The following DAB1 variants were observed in gnomAD, a reference collection of about 807,000 sequenced individuals.
DAB1 encodes the protein DAB adaptor protein 1.
DAB1 carries 15 observed loss-of-function variants against 64.6 expected under a neutral mutation model. The observed-to-expected ratio is 0.23, with a 90% confidence interval of 0.16 to 0.36. The LOEUF (loss-of-function observed/expected upper bound fraction) is 0.36. Among genes scored for constraint, DAB1 ranks in the 10% least tolerant of loss-of-function variants. The probability of loss-of-function intolerance (pLI) is 1.00; values close to 1 mark genes in which losing one functional copy is unlikely to be tolerated. For synonymous variants in DAB1, 235 were observed against 251.9 expected (o/e 0.93, Z 0.64); for missense variants, 596 against 706.7 (o/e 0.84, Z 1.78).
intron 3 of DAB1, among the ~76,000 whole-genome samples, chr1:57,141,557 A>G (rs1432950758): frequency 6.6e-6 from 1 of 152,076 alleles, no homozygotes; most frequent in African/African-American, 2.4e-5. Context: ...CTCATTTGCT[A>G]CCTTAAATTT....
chr1:58,532,261 A>C (rs771282802), intron 1 of DAB1, among the ~76,000 whole-genome samples: 2 of 152,166 alleles, frequency 1.3e-5, no homozygotes, highest in African/African-American at 2.4e-5. Flanking sequence ...ATTAATAACT[A>C]TGTTCTATTT....
chr1:57,033,656 T>C, intron 9 of DAB1: 1 of 1,352,844 alleles, frequency 7.4e-7, no homozygotes, highest in South Asian at 1.2e-5. Flanking sequence ...GATGACAGTA[T>C]CTATGGTTCA....
At chr1:57,641,788 C>G (rs566251685) in intron 7 of DAB1, among the ~76,000 whole-genome samples, 4 of 152,142 alleles carry the variant, frequency 2.6e-5, no homozygotes, top group African/African-American at 9.6e-5. Context: ...TTTTCCTTTG[C>G]AGTCTCATTA....
intron 1 of DAB1, among the ~76,000 whole-genome samples, chr1:57,357,360 G>C (rs61769670): frequency 0.42 from 64,030 of 151,674 alleles, 14,024 homozygotes; most frequent in African/African-American, 0.47. Flanking sequence ...TTCTTCACCT[G>C]TAAAACTCAC....
At chr1:57,590,310 T>TTTTATTTATTTATTTATTTA (rs58148255) in intron 7 of DAB1, among the ~76,000 whole-genome samples, 4 of 151,070 alleles carry the variant, frequency 2.6e-5, no homozygotes, top group African/African-American at 9.8e-5. Flanking sequence ...TTTTCTTTTC[T>TTTTATTTATTTATTTATTTA]TTTATTTATT....
intron 5 of DAB1, among the ~76,000 whole-genome samples, chr1:58,038,371 C>G (rs1018171094): frequency 1.3e-5 from 2 of 151,786 alleles, no homozygotes; most frequent in African/African-American, 4.9e-5. Context: ...ACAGCCTCCA[C>G]ACAACGTACA....
chr1:57,377,950 G>C (rs1681045325), intron 1 of DAB1, among the ~76,000 whole-genome samples: 1 of 152,182 alleles, frequency 6.6e-6, no homozygotes. Context: ...GTCTGGTGGA[G>C]GAAGATGGCT....
chr1:57,372,424 C>T (rs540758914), intron 1 of DAB1, among the ~76,000 whole-genome samples: 29 of 152,300 alleles, frequency 1.9e-4, no homozygotes, highest in African/African-American at 7.0e-4. Context: ...GTAACTCAGG[C>T]ATCAGACAAT....
chr1:57,570,605 T>C (rs1645183039), intron 7 of DAB1, among the ~76,000 whole-genome samples: 3 of 152,178 alleles, frequency 2.0e-5, no homozygotes. Flanking sequence ...AGTCGGGTAA[T>C]GTGATGCCTC....
chr1:58,221,644 G>A (rs1173032243), intron 4 of DAB1, among the ~76,000 whole-genome samples: 1 of 152,216 alleles, frequency 6.6e-6, no homozygotes, highest in Non-Finnish European at 1.5e-5. Flanking sequence ...TCTGTGAAAT[G>A]GGGGCAATGC....
chr1:57,489,719 T>G (rs537077672), intron 7 of DAB1, among the ~76,000 whole-genome samples: 1 of 152,320 alleles, frequency 6.6e-6, no homozygotes, highest in African/African-American at 2.4e-5. Flanking sequence ...TCTCTTTATA[T>G]AGGTAAACTG....
chr1:57,330,709 C>G (rs145405589), intron 1 of DAB1, among the ~76,000 whole-genome samples: 44 of 152,224 alleles, frequency 2.9e-4, no homozygotes, highest in African/African-American at 8.2e-4. Flanking sequence ...CCCGGTGCCC[C>G]ACGCAGTGCC....
chr1:57,780,833 A>C (rs1368576617), intron 6 of DAB1, among the ~76,000 whole-genome samples: 10 of 149,152 alleles, frequency 6.7e-5, no homozygotes, highest in Non-Finnish European at 1.0e-4. Flanking sequence ...GGCTCACTAC[A>C]ACCTCTGCCT....
chr1:58,217,637 G>A (rs192967657), intron 4 of DAB1, among the ~76,000 whole-genome samples: 11 of 152,104 alleles, frequency 7.2e-5, no homozygotes, highest in Admixed American at 5.9e-4. Context: ...CTTTATAACC[G>A]CACTGGGATA....
intron 6 of DAB1, among the ~76,000 whole-genome samples, chr1:57,796,426 C>T (rs1286579244): frequency 1.3e-5 from 2 of 151,980 alleles, no homozygotes; most frequent in African/African-American, 4.8e-5. Context: ...ACTCGGGAGG[C>T]TGAGGCAGGA....
intron 3 of DAB1, among the ~76,000 whole-genome samples, chr1:58,368,686 C>T (rs1270260759): frequency 6.6e-6 from 1 of 152,134 alleles, no homozygotes; most frequent in Non-Finnish European, 1.5e-5. Flanking sequence ...CATACGGTGT[C>T]AGCATCCTCA....
At chr1:58,383,408 T>G (rs1011721612) in intron 3 of DAB1, among the ~76,000 whole-genome samples, 1 of 152,162 alleles carries the variant, frequency 6.6e-6, no homozygotes. Flanking sequence ...AAACACAAAG[T>G]TGATTTTTAA....
chr1:58,461,941 G>A (rs1645245865), intron 3 of DAB1, among the ~76,000 whole-genome samples: 1 of 151,986 alleles, frequency 6.6e-6, no homozygotes, highest in Admixed American at 6.5e-5. Context: ...AAGGAATTGT[G>A]GGGCATCCAC....
At chr1:57,902,497 T>C (rs1163698112) in intron 5 of DAB1, among the ~76,000 whole-genome samples, 3 of 152,202 alleles carry the variant, frequency 2.0e-5, no homozygotes, top group Non-Finnish European at 4.4e-5. Context: ...ATTGTCTCAA[T>C]AACGTCCTTT....
Sources: allele counts gnomAD v4.1 joint callset (sites outside exome capture counted in the v4.1 genomes callset), GRCh38; gene constraint gnomAD v4.1.1; transcripts MANE v1.5; gene names NCBI Gene and HGNC (gene_info 2026-07-23, HGNC 2026-07-21).